The following PTPRD variants were observed in gnomAD, a reference collection of about 807,000 sequenced individuals.
The protein encoded by PTPRD is protein tyrosine phosphatase receptor type D.
Under a neutral mutation model 214.5 loss-of-function variants are expected in PTPRD, and 34 were observed. The ratio of observed to expected loss-of-function variants is 0.16; its 90% confidence interval spans 0.12 to 0.21. PTPRD has a LOEUF of 0.21. PTPRD is among the 10% of genes least tolerant of loss of function. The probability of loss-of-function intolerance (pLI) is 1.00; values close to 1 mark genes in which losing one functional copy is unlikely to be tolerated. For missense variants in PTPRD, 2,545 were observed against 2,398.7 expected (o/e 1.06, Z -1.27); for synonymous variants, 1,128 against 845.7 (o/e 1.33, Z -5.79).
intron 3 of PTPRD, among the ~76,000 whole-genome samples, chr9:10,267,784 A>G (rs1380981526): frequency 1.3e-5 from 2 of 152,196 alleles, no homozygotes; most frequent in Admixed American, 6.5e-5. Context: ...AAGACCAACA[A>G]TAAGAAAATG....
At chr9:10,547,910 G>C (rs771389024) in intron 2 of PTPRD, among the ~76,000 whole-genome samples, 15 of 152,006 alleles carry the variant, frequency 9.9e-5, no homozygotes, top group African/African-American at 2.9e-4. Flanking sequence ...AGATGTAGTT[G>C]CATGGTAATT....
intron 2 of PTPRD, among the ~76,000 whole-genome samples, chr9:10,576,108 C>G (rs1253506370): frequency 6.6e-6 from 1 of 152,172 alleles, no homozygotes. Flanking sequence ...GATTCCATTT[C>G]TTCCCTTGCC....
In PTPRD at chr9:8,404,485, C is replaced by T. The variant is rs954177948; in HGVS notation, c.4210+52G>A. ...CTCACTAAAACAATATTCTCATGCA[C>T]ATACTCAAATCCATGAAAATAAAGG... On this transcript the variant is annotated intron_variant, in intron 36 of 45. Coordinates refer to ENST00000381196, the MANE Select transcript of PTPRD (RefSeq NM_002839.4). The T allele has an allele frequency of 4.4e-6, 7 of 1,577,324 alleles. No homozygotes were observed. The African/African-American group carries it at 6.7e-5, about 15-fold the overall frequency.
At chr9:9,076,768 A>T (rs1272432785) in intron 10 of PTPRD, among the ~76,000 whole-genome samples, 1 of 150,042 alleles carries the variant, frequency 6.7e-6, no homozygotes, top group East Asian at 2.0e-4. Flanking sequence ...GGAAGTGCAG[A>T]TATCTCTTCA....
At position 8,486,222 on chromosome 9, in the gene PTPRD, C is replaced by A; in HGVS notation, c.2595G>T (p.Met865Ile). Residue 865 changes from methionine to isoleucine, a missense_variant, in exon 28 of 46, where the codon ATG becomes ATT. Physicochemically the swap from Met to Ile is conservative, Grantham distance 10. Coordinates refer to ENST00000381196, the MANE Select transcript of PTPRD (RefSeq NM_002839.4). Reference sequence around the variant, plus strand: ...AGAACTCAAGAGTAGTAAGTGGCTCCATATCCTTGCGGCCAAATTTTAGAC... The same window carrying A: ...AGAACTCAAGAGTAGTAAGTGGCTCAATATCCTTGCGGCCAAATTTTAGAC... ...GYRLKFGRKD[M>I]EPLTTLEFSE... 6.2e-7 allele frequency: 1 copy of A among 1,614,188 alleles called. No individual in the cohort carries two copies. The highest frequency in any genetic ancestry group is 2.2e-5 in the East Asian group (1 of 44,882).
chr9:9,349,418 C>A (rs1315982329), intron 9 of PTPRD, among the ~76,000 whole-genome samples: 5 of 152,116 alleles, frequency 3.3e-5, no homozygotes, highest in African/African-American at 1.2e-4. Context: ...ACACTGCAAG[C>A]AAGCTTTAAG....
intron 7 of PTPRD, among the ~76,000 whole-genome samples, chr9:9,646,209 G>T (rs1462789471): frequency 6.6e-6 from 1 of 151,980 alleles, no homozygotes; most frequent in Non-Finnish European, 1.5e-5. Flanking sequence ...ATATTTGTTT[G>T]TCTGTAGATT....
intron 9 of PTPRD, among the ~76,000 whole-genome samples, chr9:9,201,046 G>A (rs1463512757): frequency 1.3e-5 from 2 of 152,144 alleles, no homozygotes; most frequent in East Asian, 3.9e-4. Flanking sequence ...CAAGTCATAA[G>A]AGAAAAGAAT....
intron 39 of PTPRD, among the ~76,000 whole-genome samples, chr9:8,357,286 T>C (rs571265623): frequency 6.6e-6 from 1 of 152,208 alleles, no homozygotes; most frequent in Non-Finnish European, 1.5e-5. Context: ...ACAAATTCTT[T>C]GAAGTTAAAG....
At chr9:10,382,633 C>T (rs1471864616) in intron 2 of PTPRD, among the ~76,000 whole-genome samples, 1 of 151,854 alleles carries the variant, frequency 6.6e-6, no homozygotes, top group African/African-American at 2.4e-5. Flanking sequence ...AAATAAAGTT[C>T]TTAATCAGCA....
chr9:8,620,540 A>C (rs1450749663), intron 14 of PTPRD, among the ~76,000 whole-genome samples: 5 of 152,008 alleles, frequency 3.3e-5, no homozygotes, highest in Non-Finnish European at 5.9e-5. Flanking sequence ...GTTCAAATGC[A>C]ATGAGAGGAG....
chr9:8,334,003 C>T (rs973007654), intron 43 of PTPRD, among the ~76,000 whole-genome samples: 2 of 152,016 alleles, frequency 1.3e-5, no homozygotes, highest in South Asian at 4.2e-4. Context: ...ATATATGTGA[C>T]CCCAATACAG....
intron 11 of PTPRD, among the ~76,000 whole-genome samples, chr9:8,760,535 T>A (rs1213144863): frequency 6.6e-6 from 1 of 152,096 alleles, no homozygotes; most frequent in East Asian, 1.9e-4. Flanking sequence ...ATGTCAGCAT[T>A]ACAAAATGTG....
intron 9 of PTPRD, among the ~76,000 whole-genome samples, chr9:9,294,906 C>T (rs146535010): frequency 7.5e-4 from 114 of 151,664 alleles, no homozygotes; most frequent in Middle Eastern, 6.8e-3. Flanking sequence ...TGAATACTCA[C>T]GTTTTTATTC....
chr9:8,936,427 C>CAAAAAAAAAAA lies in PTPRD; in HGVS notation c.-104+82259_-104+82269dup, dbSNP rs1181403459. The stretch of plus-strand genomic sequence containing the variant: ...AGGCAACAGAGCAAGACCCTGCCTC[C>CAAAAAAAAAAA]AAAAAAAAAAAAAAAAAAAAAAAGA... On this transcript the variant is annotated intron_variant, in intron 11 of 45. Transcript: ENST00000381196. Among the ~76,000 whole-genome samples the CAAAAAAAAAAA allele has an allele frequency of 6.2e-3, 197 of 31,590 alleles. 15 individuals are homozygous for CAAAAAAAAAAA. Among genetic ancestry groups the CAAAAAAAAAAA allele is most frequent in the East Asian group, 0.027 (15 of 550 alleles). 20.7% of individuals were successfully genotyped at this position (31,590 alleles called of 152,430 possible).
At chr9:8,634,388 T>TG (rs1329115464) in intron 13 of PTPRD, among the ~76,000 whole-genome samples, 10 of 152,106 alleles carry the variant, frequency 6.6e-5, no homozygotes, top group Admixed American at 5.9e-4. Flanking sequence ...TATTCCCATG[T>TG]GCCTAAATTA....
At chr9:9,972,011 CACTTT>C (rs1236043621) in intron 4 of PTPRD, among the ~76,000 whole-genome samples, 4 of 152,090 alleles carry the variant, frequency 2.6e-5, no homozygotes, top group Admixed American at 1.3e-4. Context: ...TTAAGTTCTT[CACTTT>C]AAAAAGTTTT....
chr9:10,277,762 C>T (rs2094800975), intron 3 of PTPRD, among the ~76,000 whole-genome samples: 1 of 151,946 alleles, frequency 6.6e-6, no homozygotes, highest in Admixed American at 6.6e-5. Flanking sequence ...CAAAGAATCA[C>T]CTACATAGTG....
intron 8 of PTPRD, among the ~76,000 whole-genome samples, chr9:9,493,371 A>G (rs898045665): frequency 3.9e-5 from 6 of 152,216 alleles, no homozygotes; most frequent in Non-Finnish European, 7.3e-5. Context: ...AACAGAGTCT[A>G]CTAAGAGCTC....
Sources: gnomAD v4.1 joint callset for allele counts (sites outside exome capture counted in the v4.1 genomes callset) on GRCh38, gnomAD v4.1.1 for gene constraint, MANE v1.5 for transcripts, NCBI Gene and HGNC (gene_info 2026-07-23, HGNC 2026-07-21) for gene names.